Variants in DLG2 observed in about 807,000 individuals in gnomAD.
DLG2 encodes the protein disks large homolog 2.
In DLG2, 45 loss-of-function variants were observed where a neutral mutation model predicts 132.5. That is an observed-to-expected ratio of 0.34 (90% confidence interval 0.27 to 0.44). DLG2 has a LOEUF of 0.44. Among genes scored for constraint, DLG2 ranks in the 20% least tolerant of loss-of-function variants. The pLI is 1.00. For missense variants in DLG2, 1,045 were observed against 1,196.9 expected (o/e 0.87, Z 1.87); for synonymous variants, 424 against 419.6 (o/e 1.01, Z -0.13).
At chr11:84,880,547 T>C (rs1253231322) in intron 6 of DLG2, among the ~76,000 whole-genome samples, 1 of 152,136 alleles carries the variant, frequency 6.6e-6, no homozygotes, top group African/African-American at 2.4e-5. Flanking sequence ...AAGATAAATA[T>C]ATGGCCTTGC....
intron 10 of DLG2, among the ~76,000 whole-genome samples, chr11:84,070,353 T>G (rs1471176597): frequency 6.6e-6 from 1 of 152,174 alleles, no homozygotes; most frequent in Non-Finnish European, 1.5e-5. Context: ...AAGTTCACAC[T>G]CCATAGCCCA....
intron 9 of DLG2, among the ~76,000 whole-genome samples, chr11:84,107,977 A>C (rs755023508): frequency 2.0e-5 from 3 of 152,168 alleles, no homozygotes; most frequent in Non-Finnish European, 4.4e-5. Flanking sequence ...AGAGCTTAGT[A>C]ATCTTGAACA....
At chr11:84,103,538 T>C (rs1333113495) in intron 9 of DLG2, among the ~76,000 whole-genome samples, 2 of 152,172 alleles carry the variant, frequency 1.3e-5, no homozygotes, top group Non-Finnish European at 2.9e-5. Flanking sequence ...TGGGCTGCTG[T>C]GTCCTTGCAG....
chr11:84,272,416 T>C (rs1212262084), intron 7 of DLG2: 1 of 295,038 alleles, frequency 3.4e-6, no homozygotes, highest in African/African-American at 2.2e-5. Context: ...TCATAGCTAA[T>C]TGGTGATCTC....
chr11:84,738,313 A>G (rs978480033), intron 6 of DLG2, among the ~76,000 whole-genome samples: 38 of 152,018 alleles, frequency 2.5e-4, no homozygotes, highest in African/African-American at 8.9e-4. Flanking sequence ...ATGACATAAT[A>G]TATTCTTTTT....
At chr11:84,018,943 C>A (rs931564142) in intron 11 of DLG2, among the ~76,000 whole-genome samples, 1 of 151,598 alleles carries the variant, frequency 6.6e-6, no homozygotes, top group Non-Finnish European at 1.5e-5. Flanking sequence ...ATGAAAAGAA[C>A]ATAAAGGACT....
At chr11:85,377,769 A>G (rs796697598) in intron 3 of DLG2, among the ~76,000 whole-genome samples, 7 of 134,442 alleles carry the variant, frequency 5.2e-5, no homozygotes, top group African/African-American at 1.4e-4. Flanking sequence ...GCTAAGTGCA[A>G]TTTGTGTGTG....
rs548999419 is a variant in DLG2, at chr11:85,181,228, GTATATGTGTATA to G, written c.187-26589_187-26578del. The stretch of plus-strand genomic sequence containing the variant: ...TGTATATGTATATGTATACGTATAT[GTATATGTGTATA>G]TATATGTGTATATATGTGTATATAT... On this transcript the variant is annotated intron_variant, in intron 4 of 27. Coordinates refer to ENST00000376104, the MANE Select transcript of DLG2 (RefSeq NM_001142699.3). Among the ~76,000 whole-genome samples, 94 of 151,296 alleles carry G rather than the reference GTATATGTGTATA, an allele frequency of 6.2e-4. No individual in the cohort carries two copies. In the East Asian group the frequency reaches 0.014, roughly 22 times the overall value.
chr11:84,167,005 AG>A (rs1180653821), intron 8 of DLG2: 1 of 533,284 alleles, frequency 1.9e-6, no homozygotes, highest in East Asian at 5.4e-5. Context: ...AGAGCTTCAC[AG>A]TTGGGGTTTC....
intron 3 of DLG2, among the ~76,000 whole-genome samples, chr11:85,486,545 C>T (rs2093433654): frequency 6.6e-6 from 1 of 152,272 alleles, no homozygotes; most frequent in Admixed American, 6.5e-5. Flanking sequence ...AGTCTACCAC[C>T]ATTGGCACCT....
At chr11:85,237,885 T>C (rs1338549406) in intron 4 of DLG2, among the ~76,000 whole-genome samples, 1 of 152,050 alleles carries the variant, frequency 6.6e-6, no homozygotes, top group East Asian at 1.9e-4. Context: ...GTGTTCATCT[T>C]TTCCCTTCAA....
intron 11 of DLG2, among the ~76,000 whole-genome samples, chr11:84,009,679 A>G (rs2094776090): frequency 6.6e-6 from 1 of 152,084 alleles, no homozygotes; most frequent in Non-Finnish European, 1.5e-5. Context: ...GTGGAGTTTT[A>G]AAGGTTATTC....
intron 7 of DLG2, among the ~76,000 whole-genome samples, chr11:84,402,853 G>C (rs1292020921): frequency 5.6e-5 from 6 of 107,484 alleles, no homozygotes; most frequent in South Asian, 5.8e-4. Context: ...CTGCACTCCA[G>C]CCTGGGCGAC....
intron 5 of DLG2, among the ~76,000 whole-genome samples, chr11:85,145,704 A>T (rs1031511517): frequency 2.6e-5 from 4 of 151,962 alleles, no homozygotes; most frequent in African/African-American, 4.8e-5. Flanking sequence ...TCTGCTTGTT[A>T]AATTTCTGGG....
intron 6 of DLG2, among the ~76,000 whole-genome samples, chr11:84,537,069 CCTA>C (rs10577352): frequency 0.91 from 137,984 of 151,894 alleles, 62,848 homozygotes; most frequent in African/African-American, 0.97. Flanking sequence ...CTGCCATAAC[CCTA>C]CTACTATATA....
intron 3 of DLG2, among the ~76,000 whole-genome samples, chr11:85,354,329 C>A (rs2083525704): frequency 6.6e-6 from 1 of 152,136 alleles, no homozygotes; most frequent in African/African-American, 2.4e-5. Flanking sequence ...ACCAACCACA[C>A]TCATCAGATA....
At chr11:84,579,034 C>A (rs763611855) in intron 6 of DLG2, among the ~76,000 whole-genome samples, 5 of 152,236 alleles carry the variant, frequency 3.3e-5, no homozygotes, top group Non-Finnish European at 7.4e-5. Flanking sequence ...CTTGCCACTG[C>A]CATTTAAGAA....
chr11:85,588,954 A>C (rs1380679490), intron 3 of DLG2, among the ~76,000 whole-genome samples: 2 of 152,130 alleles, frequency 1.3e-5, no homozygotes, highest in African/African-American at 4.8e-5. Context: ...GAGTCTAGCC[A>C]CCGAGTACGG....
chr11:85,145,011 T>G lies in DLG2; in HGVS notation c.282+9545A>C, dbSNP rs75759203. ...ATTGCTCTTAGGACAAGTCCACTGT[T>G]GATGAAATCCCTCAGCTGTTATTTG... On this transcript the variant is annotated intron_variant, in intron 5 of 27. Transcript: ENST00000376104. Among the ~76,000 whole-genome samples, 390 of 152,220 alleles carry G rather than the reference T, an allele frequency of 2.6e-3. 4 individuals carry two copies. Among genetic ancestry groups the G allele is most frequent in the East Asian group, 0.025 (128 of 5,176 alleles).
Sources: allele counts gnomAD v4.1 joint callset (sites outside exome capture counted in the v4.1 genomes callset), GRCh38; gene constraint gnomAD v4.1.1; transcripts MANE v1.5; gene names NCBI Gene and HGNC (gene_info 2026-07-23, HGNC 2026-07-21).